The following DMXL1 variants were observed in gnomAD, a reference collection of about 807,000 sequenced individuals.
DMXL1 encodes the protein dmX-like protein 1.
A neutral mutation model predicts 319.2 loss-of-function variants in DMXL1; 99 were observed. The observed-to-expected ratio is 0.31, with a 90% CI of 0.26 to 0.37. The LOEUF is 0.37. Ranked by LOEUF, DMXL1 falls within the 10% of genes least tolerant of loss-of-function variation. The pLI is 1.00. For synonymous variants in DMXL1, 1,385 were observed against 1,235.2 expected (o/e 1.12, Z -2.54); for missense variants, 3,745 against 3,595.6 (o/e 1.04, Z -1.06).
rs1342754295 is a variant in DMXL1, at chr5:119,216,920, A to T, written c.7946A>T (p.Tyr2649Phe). The T allele has an allele frequency of 1.3e-6, 2 of 1,599,224 alleles. No individual in the cohort carries two copies. The highest frequency in any genetic ancestry group is 3.5e-5 in the Admixed American group (2 of 57,880). The change falls in exon 35 of 44, where the codon TAT becomes TTT. Residue 2649 changes from tyrosine to phenylalanine, a missense_variant. By Grantham distance (22) the Tyr-to-Phe change is conservative. This residue lies in a region of DMXL1 where 1,382 missense variants were observed against 1,269.5 expected (regional missense o/e 1.09). Transcript: ENST00000539542. ...NINKIEADLG[Y>F]PGGKARIIHK... ...ATTTAGATAGAAGCAGATTTGGGAT[A>T]TCCTGGAGGTAAAGCAAGAATTATT...
intron 11 of DMXL1, 44 bp downstream of exon 11, chr5:119,133,429 G>A (rs1043029428): frequency 6.3e-7 from 1 of 1,586,920 alleles, no homozygotes; most frequent in African/African-American, 1.4e-5. Flanking sequence ...GTTTATGTGG[G>A]TACTATTTTC....
At chr5:119,154,324 G>T (rs1305576522) in intron 19 of DMXL1, among the ~76,000 whole-genome samples, 4 of 152,226 alleles carry the variant, frequency 2.6e-5, no homozygotes, top group Admixed American at 1.3e-4. Flanking sequence ...GTGCCAAACA[G>T]TTTACCAAAT....
chr5:119,234,966 G>T (rs775937831), intron 39 of DMXL1, among the ~76,000 whole-genome samples: 9 of 151,972 alleles, frequency 5.9e-5, no homozygotes, highest in Admixed American at 2.6e-4. Context: ...CTATTTTAAG[G>T]CACAAAAAAC....
At chr5:119,180,313 C>T (rs953709198) in intron 28 of DMXL1, among the ~76,000 whole-genome samples, 2 of 152,138 alleles carry the variant, frequency 1.3e-5, no homozygotes, top group Non-Finnish European at 2.9e-5. Flanking sequence ...TGCCATGGCC[C>T]TTAGCTTCCT....
chr5:119,127,849 G>T, intron 9 of DMXL1: 5 of 309,288 alleles, frequency 1.6e-5, no homozygotes, highest in Admixed American at 4.4e-5. Flanking sequence ...TAAACTATTG[G>T]CATTTCTCTG....
chr5:119,212,838 T>G (rs1190499630), intron 34 of DMXL1, among the ~76,000 whole-genome samples: 1 of 152,200 alleles, frequency 6.6e-6, no homozygotes, highest in East Asian at 1.9e-4. Context: ...GTCTCTATTT[T>G]TAGCTGACTG....
intron 38 of DMXL1, among the ~76,000 whole-genome samples, chr5:119,231,727 A>G (rs1192146476): frequency 3.3e-5 from 5 of 152,256 alleles, no homozygotes; most frequent in African/African-American, 7.2e-5. Context: ...GAAAACTTTT[A>G]TAAGGTGTTC....
chr5:119,205,832 AC>A (rs1358924583), intron 33 of DMXL1, among the ~76,000 whole-genome samples: 2 of 152,128 alleles, frequency 1.3e-5, no homozygotes, highest in Non-Finnish European at 2.9e-5. Context: ...TAACAAAATC[AC>A]CTTCCATCTC....
chr5:119,116,311 C>G lies in DMXL1; in HGVS notation c.718C>G (p.Arg240Gly), dbSNP rs1223509090. 1 of 1,613,786 alleles carries G rather than the reference C, an allele frequency of 6.2e-7. No individual in the cohort carries two copies. Among genetic ancestry groups the G allele is most frequent in the East Asian group, 2.2e-5 (1 of 44,870 alleles). The change falls in exon 7 of 44, where the codon CGT becomes GGT. Residue 240 changes from arginine (R) to glycine (G), a missense_variant. Physicochemically the swap from Arg to Gly is moderately radical, Grantham distance 125. This residue lies in a region of DMXL1 where 2,096 missense variants were observed against 1,985.4 expected (regional missense o/e 1.06). Transcript: ENST00000539542. The part of the protein sequence containing the change: ...HPRAVNGFSW[R>G]KTSKYMPRAS... Reference sequence around the variant, plus strand: ...TCGAGCAGTAAATGGATTTTCCTGGCGTAAAACAAGCAAATATATGCCTAG... The same window carrying G: ...TCGAGCAGTAAATGGATTTTCCTGGGGTAAAACAAGCAAATATATGCCTAG...
Position 119,105,259 on chromosome 5 carries a change from G to A in DMXL1, c.364+1G>A. On this transcript the variant is annotated splice_donor_variant, in intron 4 of 43. Transcript: ENST00000539542. LOFTEE classifies it high-confidence loss of function. Reference sequence around the variant, plus strand: ...CACAATATAACCTGGGATCCCACAGGTAAGAAAATAAGCAGGATTAACTAA... The same window carrying A: ...CACAATATAACCTGGGATCCCACAGATAAGAAAATAAGCAGGATTAACTAA... 1 of 1,610,758 alleles carries A rather than the reference G, an allele frequency of 6.2e-7. No individual in the cohort carries two copies. Among genetic ancestry groups the A allele is most frequent in the African/African-American group, 1.3e-5 (1 of 74,980 alleles).
intron 25 of DMXL1, 64 bp downstream of exon 25, chr5:119,172,033 T>C (rs888633562): frequency 2.1e-6 from 3 of 1,406,636 alleles, no homozygotes; most frequent in African/African-American, 2.9e-5. Context: ...AAGATAAATA[T>C]TAAGGCTTTT....
intron 19 of DMXL1, among the ~76,000 whole-genome samples, chr5:119,159,477 T>A (rs995863705): frequency 3.3e-5 from 5 of 152,272 alleles, no homozygotes; most frequent in Non-Finnish European, 5.9e-5. Context: ...CATATTTCAG[T>A]TCTGGCAGGT....
intron 19 of DMXL1, among the ~76,000 whole-genome samples, 156 bp from the exon 20 acceptor site, chr5:119,164,351 A>G (rs1206689477): frequency 6.6e-6 from 1 of 152,226 alleles, no homozygotes; most frequent in Non-Finnish European, 1.5e-5. Context: ...AGTTATTTGA[A>G]GAAGGAAAAA....
chr5:119,175,344 A>G lies in DMXL1; in HGVS notation c.6758+7A>G, dbSNP rs758708414. On this transcript the variant is annotated splice_region_variant and intron_variant, in intron 26 of 43. Transcript: ENST00000539542. The stretch of plus-strand genomic sequence containing the variant: ...GTGGTAGTCATAACTACAGGTAACT[A>G]TCTTTTTATGAAATTTAAGAATGCT... 5 of 1,598,368 alleles carry G rather than the reference A, an allele frequency of 3.1e-6. No homozygotes were observed. The highest frequency in any genetic ancestry group is 2.2e-5 in the East Asian group (1 of 44,634).
chr5:119,178,371 CAAAT>C (rs1227959519), intron 28 of DMXL1, 127 bp downstream of exon 28: 1 of 1,087,622 alleles, frequency 9.2e-7, no homozygotes, highest in East Asian at 2.6e-5. Context: ...AAAGCATAAA[CAAAT>C]AGTCATACAG....
chr5:119,194,573 A>C (rs1484463777), intron 30 of DMXL1, among the ~76,000 whole-genome samples: 4 of 152,200 alleles, frequency 2.6e-5, no homozygotes, highest in Admixed American at 1.3e-4. Context: ...AAAAAATGTG[A>C]ATTTTCCAAA....
chr5:119,090,928 A>C (rs1181947164), intron 1 of DMXL1, among the ~76,000 whole-genome samples: 2 of 151,750 alleles, frequency 1.3e-5, no homozygotes, highest in Non-Finnish European at 2.9e-5. Flanking sequence ...TGCTTGATCC[A>C]TTCTTCTATG....
intron 34 of DMXL1, among the ~76,000 whole-genome samples, chr5:119,214,036 T>C (rs1783246778): frequency 6.6e-6 from 1 of 152,166 alleles, no homozygotes; most frequent in South Asian, 2.1e-4. Context: ...CTTTCCTGTC[T>C]TTACTCTCTC....
intron 38 of DMXL1, among the ~76,000 whole-genome samples, chr5:119,228,263 G>A (rs1354089872): frequency 6.6e-6 from 1 of 152,132 alleles, no homozygotes; most frequent in East Asian, 1.9e-4. Flanking sequence ...CTTGAAGACA[G>A]AGCACTTTAG....
Sources: allele counts gnomAD v4.1 joint callset (sites outside exome capture counted in the v4.1 genomes callset), GRCh38; gene constraint gnomAD v4.1.1; regional missense constraint gnomAD v4.1.1; transcripts MANE v1.5; gene names NCBI Gene and HGNC (gene_info 2026-07-23, HGNC 2026-07-21).